Variants in PCDH11X observed in about 807,000 individuals in gnomAD.
The protein encoded by PCDH11X is protocadherin 11 X-linked, also known as protocadherin-11 X-linked.
Under a neutral mutation model 53.3 loss-of-function variants are expected in PCDH11X, and 18 were observed. The ratio of observed to expected loss-of-function variants is 0.34; its 90% CI spans 0.23 to 0.50. PCDH11X has a LOEUF of 0.50. Among genes scored for constraint, PCDH11X ranks in the 20% least tolerant of loss-of-function variants. The pLI, the probability that PCDH11X is intolerant of heterozygous loss-of-function variation, is 0.98. For missense variants in PCDH11X, 570 were observed against 1,032.4 expected, an observed-to-expected ratio of 0.55 and a Z score of 6.14; for synonymous variants, 279 against 393.3, an observed-to-expected ratio of 0.71 and a Z score of 3.44.
chrX:92,447,840 A>G (rs1468496988), intron 9 of PCDH11X, among the ~76,000 whole-genome samples: 1 of 112,349 alleles, frequency 8.9e-6, no homozygotes, highest in Non-Finnish European at 1.9e-5. Flanking sequence ...GCTGGGAGGG[A>G]GGGTGTACCC....
At chrX:92,074,212 T>C (rs1285509387) in intron 6 of PCDH11X, among the ~76,000 whole-genome samples, 1 of 111,798 alleles carries the variant, frequency 8.9e-6, no homozygotes, top group East Asian at 2.8e-4. Flanking sequence ...TATGCTACTT[T>C]GTATGTAATA....
chrX:92,398,993 C>T (rs4314818), intron 9 of PCDH11X, among the ~76,000 whole-genome samples: 17,099 of 107,833 alleles, frequency 0.16, 2,045 homozygotes, highest in East Asian at 0.73. Flanking sequence ...GAGATTGAGA[C>T]CATCCTGGCT....
intron 4 of PCDH11X, among the ~76,000 whole-genome samples, chrX:91,812,594 C>T (rs891300285): frequency 1.8e-5 from 2 of 111,530 alleles, no homozygotes; most frequent in African/African-American, 6.5e-5. Flanking sequence ...AGTTCTCCAT[C>T]TTTGTTGTCA....
At chrX:92,531,750 A>G (rs1313126038) in intron 10 of PCDH11X, among the ~76,000 whole-genome samples, 1 of 110,095 alleles carries the variant, frequency 9.1e-6, no homozygotes, top group Non-Finnish European at 1.9e-5. Flanking sequence ...TTGTCACAGA[A>G]ATAAAGTCAA....
At position 92,271,769 on chromosome X, in the gene PCDH11X, G is replaced by C. The variant is rs1465475286; in HGVS notation, c.3144+8626G>C. On this transcript the variant is annotated intron_variant, in intron 8 of 10. Transcript: ENST00000682573. ...ATCATGCTCTTTTGCAATGATGCTGGCTTTCCATAATATTTTTATATCCAT... is the reference window on the plus strand; with the variant it reads ...ATCATGCTCTTTTGCAATGATGCTGCCTTTCCATAATATTTTTATATCCAT... Among the ~76,000 whole-genome samples, 6 of 111,998 alleles carry C rather than the reference G, an allele frequency of 5.4e-5. No individual in the cohort carries two copies. The Admixed American group carries it at 5.7e-4, about 11-fold the overall frequency.
At chrX:92,191,252 TA>T (rs987771937) in intron 6 of PCDH11X, among the ~76,000 whole-genome samples, 1 of 112,436 alleles carries the variant, frequency 8.9e-6, no homozygotes, top group African/African-American at 3.2e-5. Context: ...AACCTACATT[TA>T]TTTCCAGTCA....
intron 6 of PCDH11X, among the ~76,000 whole-genome samples, chrX:91,912,670 G>T (rs1436886143): frequency 9.1e-6 from 1 of 110,071 alleles, no homozygotes; most frequent in Non-Finnish European, 1.9e-5. Flanking sequence ...AATCGAAGTG[G>T]GGGGGAAATG....
chrX:91,878,247 C>G lies in PCDH11X; in HGVS notation c.2007C>G (p.Asn669Lys). Reference protein sequence around the residue: ...VTINVVDVNDNKPVFIVPPSN... With the variant: ...VTINVVDVNDKKPVFIVPPSN... ...TAAATGTGGTTGATGTCAATGACAA[C>G]AAACCAGTTTTCATTGTCCCTCCTT... The change falls in exon 6 of 11, where the codon AAC (asparagine) becomes AAG (lysine). Residue 669 changes from asparagine (N) to lysine (K), a missense_variant. By Grantham distance (94) the Asn-to-Lys change is moderately conservative (BLOSUM62 0). Transcript: ENST00000682573. 8.3e-7 allele frequency: 1 copy of G among 1,211,285 alleles called. No homozygotes were observed. The highest frequency in any genetic ancestry group is 1.1e-6 in the Non-Finnish European group (1 of 895,361).
chrX:92,389,472 T>C (rs1193456098), intron 9 of PCDH11X, among the ~76,000 whole-genome samples: 1 of 111,313 alleles, frequency 9.0e-6, no homozygotes, highest in Non-Finnish European at 1.9e-5. Flanking sequence ...TTTTATAAAC[T>C]AGAAAGAGTT....
intron 6 of PCDH11X, among the ~76,000 whole-genome samples, chrX:92,177,742 A>G (rs966871160): frequency 9.0e-6 from 1 of 111,475 alleles, no homozygotes; most frequent in Admixed American, 9.6e-5. Context: ...ACATGTTTTT[A>G]GTTGGTATAT....
chrX:92,131,933 A>T (rs1051347483), intron 6 of PCDH11X, among the ~76,000 whole-genome samples: 4 of 108,450 alleles, frequency 3.7e-5, no homozygotes, highest in Non-Finnish European at 5.7e-5. Context: ...GGCTTTTGTT[A>T]CATTCCAGCC....
chrX:91,929,715 T>A (rs1039696535), intron 6 of PCDH11X, among the ~76,000 whole-genome samples: 1 of 111,453 alleles, frequency 9.0e-6, no homozygotes, highest in Non-Finnish European at 1.9e-5. Flanking sequence ...GAAATAAGAA[T>A]TAGCAAGTAT....
At chrX:92,147,997 CTT>C (rs1339733700) in intron 6 of PCDH11X, among the ~76,000 whole-genome samples, 1 of 78,084 alleles carries the variant, frequency 1.3e-5, no homozygotes, top group Non-Finnish European at 2.2e-5. Context: ...TTCTTTCTTT[CTT>C]TCTTTCTTTT....
intron 8 of PCDH11X, among the ~76,000 whole-genome samples, chrX:92,295,917 T>TA (rs1182665239): frequency 2.8e-5 from 3 of 108,941 alleles, no homozygotes; most frequent in Non-Finnish European, 5.7e-5. Flanking sequence ...TCATCTCTAC[T>TA]AAAAAAACAC....
chrX:92,164,044 G>T (rs1471014009), intron 6 of PCDH11X, among the ~76,000 whole-genome samples: 2 of 111,843 alleles, frequency 1.8e-5, no homozygotes, highest in Admixed American at 1.9e-4. Context: ...TTGCCATCAA[G>T]AATTATTGTT....
intron 7 of PCDH11X, among the ~76,000 whole-genome samples, chrX:92,261,362 T>A (rs750130756): frequency 1.8e-5 from 2 of 111,882 alleles, no homozygotes; most frequent in African/African-American, 3.2e-5. Context: ...AAATATACAA[T>A]TTAGGGAAAT....
At chrX:92,455,012 A>G (rs928062636) in intron 9 of PCDH11X, among the ~76,000 whole-genome samples, 7 of 110,028 alleles carry the variant, frequency 6.4e-5, no homozygotes, top group South Asian at 3.9e-4. Flanking sequence ...TCCCTAGAAT[A>G]TGACTGGGTT....
intron 6 of PCDH11X, among the ~76,000 whole-genome samples, chrX:91,911,209 G>A (rs972815033): frequency 9.1e-6 from 1 of 109,940 alleles, no homozygotes; most frequent in Non-Finnish European, 1.9e-5. Context: ...CATATGTCTA[G>A]CCACTTAAAT....
chrX:92,150,030 G>C (rs2065406036), intron 6 of PCDH11X, among the ~76,000 whole-genome samples: 1 of 111,297 alleles, frequency 9.0e-6, no homozygotes, highest in Non-Finnish European at 1.9e-5. Context: ...TTTCCTTTTT[G>C]TCTATTATGG....
Sources: allele counts gnomAD v4.1 joint callset (sites outside exome capture counted in the v4.1 genomes callset), GRCh38; gene constraint gnomAD v4.1.1; transcripts MANE v1.5; gene names NCBI Gene and HGNC (gene_info 2026-07-23, HGNC 2026-07-21).